The following SSUH2 variants were observed in gnomAD, a reference collection of about 807,000 sequenced individuals.
SSUH2 encodes protein SSUH2 homolog.
Under a neutral mutation model 55.3 loss-of-function variants are expected in SSUH2, and 47 were observed. That is an observed-to-expected ratio of 0.85 (90% CI 0.67 to 1.08). The LOEUF is 1.08. Among genes scored for constraint, SSUH2 ranks in the 50% least tolerant of loss-of-function variants. The pLI, the probability that SSUH2 is intolerant of heterozygous loss-of-function variation, is 0.00. For synonymous variants in SSUH2, 212 were observed against 191.5 expected, an observed-to-expected ratio of 1.11 and a Z score of -0.89; for missense variants, 535 against 490.7, an observed-to-expected ratio of 1.09 and a Z score of -0.85.
chr3:8,621,262 G>A (rs957273565), intron 11 of SSUH2, among the ~76,000 whole-genome samples: 7 of 152,192 alleles, frequency 4.6e-5, no homozygotes, highest in African/African-American at 1.2e-4. Flanking sequence ...TTGGCCCAGG[G>A]TCAGGCCCTC....
At chr3:8,636,925 C>T (rs1700019505) in intron 1 of SSUH2, among the ~76,000 whole-genome samples, 1 of 152,162 alleles carries the variant, frequency 6.6e-6, no homozygotes, top group Non-Finnish European at 1.5e-5. Context: ...GTGGGTGGGG[C>T]TGGATTCAAA....
intron 1 of SSUH2, among the ~76,000 whole-genome samples, chr3:8,643,590 G>C (rs1016424627): frequency 6.6e-6 from 1 of 152,134 alleles, no homozygotes; most frequent in African/African-American, 2.4e-5. Context: ...AGCTCTCTAA[G>C]TTTAGTATAG....
At chr3:8,654,131 C>G (rs766359582) in intron 7 of SSUH2, among the ~76,000 whole-genome samples, 8 of 152,204 alleles carry the variant, frequency 5.3e-5, no homozygotes, top group Non-Finnish European at 1.2e-4. Flanking sequence ...GGCTCTCATC[C>G]TAGCTTGTAG....
intron 5 of SSUH2, among the ~76,000 whole-genome samples, chr3:8,668,326 G>A (rs1704185479): frequency 6.6e-6 from 1 of 152,198 alleles, no homozygotes. Flanking sequence ...TTCACAGGTT[G>A]GCTCTCTGGA....
intron 1 of SSUH2, among the ~76,000 whole-genome samples, chr3:8,643,987 C>G (rs1328215032): frequency 6.6e-6 from 1 of 151,312 alleles, no homozygotes. Context: ...TTCCCCTCCC[C>G]ACTCCCCGCC....
In SSUH2 at chr3:8,681,131, T is replaced by TC. The variant is rs113039870; in HGVS notation, c.-1046+759dup. On this transcript the variant is annotated intron_variant, in intron 1 of 18. Coordinates refer to the SSUH2 transcript ENST00000317371. The stretch of plus-strand genomic sequence containing the variant: ...GCGGGTTCTGAGAGCCAGCCCCTCT[T>TC]CCCCCCCTGCCTCTTAGGACTTCCA... Among the ~76,000 whole-genome samples, 26 of 104,230 alleles carry TC rather than the reference T, an allele frequency of 2.5e-4. 1 individual carries two copies. The highest frequency in any genetic ancestry group is 2.2e-3 in the Admixed American group (19 of 8,514). The allele number at this position is 104,230 out of a possible 152,430, so 68.4% of individuals were successfully genotyped here. A position where few individuals can be genotyped will look rare whatever the true frequency, so the allele number is the denominator to read the frequency against.
At chr3:8,645,237 T>C (rs1483613552), upstream of SSUH2, among the ~76,000 whole-genome samples, 1 of 152,132 alleles carries the variant, frequency 6.6e-6, no homozygotes, top group Non-Finnish European at 1.5e-5. Flanking sequence ...ATACAGATAC[T>C]CAGCCTGGGC....
chr3:8,679,169 C>T lies in SSUH2; in HGVS notation c.-901+536G>A, dbSNP rs143522102. 0.017 allele frequency among the ~76,000 whole-genome samples: 495 copies of T among 28,754 alleles called. 113 individuals carry two copies. The East Asian group carries it at 0.44, about 26-fold the overall frequency. The allele number at this position is 28,754 out of a possible 152,430, so 18.9% of individuals were successfully genotyped here. ...CGCGAGGCGGGGACTGAGAGGCAGC[C>T]GCTGTTCCCCCACACTGGCTCTTGG... On this transcript the variant is annotated intron_variant, in intron 2 of 18. Transcript: ENST00000317371.
rs2124915715 is a variant in SSUH2, at chr3:8,678,860, C to T, written c.-901+845G>A. On this transcript the variant is annotated intron_variant, in intron 2 of 18. Coordinates refer to the SSUH2 transcript ENST00000317371. ...GGGACTGAGAACCAATCCCTCTTCCCCCAGCCTGGCTCTTAGGATCCCCAT... is the reference window on the plus strand; with the variant it reads ...GGGACTGAGAACCAATCCCTCTTCCTCCAGCCTGGCTCTTAGGATCCCCAT... Among the ~76,000 whole-genome samples, 2 of 116,326 alleles carry T rather than the reference C, an allele frequency of 1.7e-5. 1 individual carries two copies. Among genetic ancestry groups the T allele is most frequent in the Non-Finnish European group, 4.0e-5 (2 of 50,422 alleles). 76.3% of individuals were successfully genotyped at this position (116,326 alleles called of 152,430 possible). A position where few individuals can be genotyped will look rare whatever the true frequency, so the allele number is the denominator to read the frequency against.
At chr3:8,625,743 T>C (rs1559297800) in intron 9 of SSUH2, 96 bp from the exon 10 acceptor site, 1 of 813,972 alleles carries the variant, frequency 1.2e-6, no homozygotes, top group South Asian at 1.5e-5. Context: ...AGGGCTTGAA[T>C]TGCTACTGGA....
At chr3:8,645,808 G>A (rs1206649238), upstream of SSUH2, among the ~76,000 whole-genome samples, 1 of 152,230 alleles carries the variant, frequency 6.6e-6, no homozygotes, top group Non-Finnish European at 1.5e-5. Context: ...ATGGCTCCCA[G>A]CTGCTCCATA....
At position 8,643,654 on chromosome 3, in the gene SSUH2, A is replaced by G. The variant is rs78483861; in HGVS notation, c.28+1077T>C. Among the ~76,000 whole-genome samples the G allele has an allele frequency of 6.1e-3, 929 of 152,332 alleles. 5 individuals carry two copies. Among genetic ancestry groups the G allele is most frequent in the African/African-American group, 0.021 (882 of 41,562 alleles). On this transcript the variant is annotated intron_variant, in intron 1 of 11. Transcript: ENST00000544814. ...AAACTTAAAGCTTTAAGATATCAAC[A>G]TTAAAGACAAGAAAGAGTGTTATGC... is the stretch of plus-strand genomic sequence containing the variant.
intron 6 of SSUH2, among the ~76,000 whole-genome samples, chr3:8,660,603 G>A (rs144983940): frequency 3.2e-4 from 48 of 152,270 alleles, no homozygotes; most frequent in Middle Eastern, 3.4e-3. Context: ...TATTGTTACT[G>A]CTCCTTTCCC....
At position 8,634,762 on chromosome 3, in the gene SSUH2, T is replaced by A. The variant is rs527672066; in HGVS notation, c.209+538A>T. The A allele has an allele frequency of 1.6e-3, 588 of 378,734 alleles. 2 individuals are homozygous for A. The highest frequency in any genetic ancestry group is 5.6e-3 in the Middle Eastern group (7 of 1,246). 23.5% of individuals were successfully genotyped at this position (378,734 alleles called of 1,614,324 possible). On this transcript the variant is annotated intron_variant, in intron 3 of 11. Transcript: ENST00000544814. ...GCCCAGGTGAGAGGCTGGATTGAAATAGGGGGCAGCTCCACCTTCTCTCCG... is the reference window on the plus strand; with the variant it reads ...GCCCAGGTGAGAGGCTGGATTGAAAAAGGGGGCAGCTCCACCTTCTCTCCG...
intron 3 of SSUH2, among the ~76,000 whole-genome samples, chr3:8,676,659 A>C (rs1469264967): frequency 4.6e-5 from 7 of 150,956 alleles, no homozygotes; most frequent in Non-Finnish European, 1.0e-4. Context: ...ATGGGGAGTA[A>C]TATCATCCTC....
chr3:8,679,097 T>TG (rs1385213131), intron 2 of SSUH2, among the ~76,000 whole-genome samples: 2 of 98,938 alleles, frequency 2.0e-5, no homozygotes, highest in African/African-American at 7.1e-5. Flanking sequence ...CAAGCACCTC[T>TG]TTCCCCCCTG....
chr3:8,677,021 G>C (rs1165219685), intron 3 of SSUH2, among the ~76,000 whole-genome samples: 1 of 147,952 alleles, frequency 6.8e-6, no homozygotes, highest in Non-Finnish European at 1.5e-5. Context: ...GACCTCCATC[G>C]CGGTGGGGGG....
At chr3:8,635,883 C>T (rs1031280092) in intron 1 of SSUH2, 26 bp from the exon 2 acceptor site, 2 of 1,532,336 alleles carry the variant, frequency 1.3e-6, no homozygotes, top group African/African-American at 2.7e-5. Context: ...CATTCCTAAG[C>T]CTTGGGTAGG....
chr3:8,642,072 C>G (rs1445984860), intron 1 of SSUH2, among the ~76,000 whole-genome samples: 1 of 152,186 alleles, frequency 6.6e-6, no homozygotes, highest in Non-Finnish European at 1.5e-5. Flanking sequence ...TCTTATAGTC[C>G]TAGACCAGAA....
Sources: allele counts gnomAD v4.1 joint callset (sites outside exome capture counted in the v4.1 genomes callset), GRCh38; gene constraint gnomAD v4.1.1; transcripts MANE v1.5; gene names NCBI Gene and HGNC (gene_info 2026-07-23, HGNC 2026-07-21).